The following GTF3C2 variants were observed in gnomAD, a reference collection of about 807,000 sequenced individuals.
GTF3C2 encodes the protein general transcription factor 3C polypeptide 2.
In GTF3C2, 17 loss-of-function variants were observed where a neutral mutation model predicts 117.4. That is an observed-to-expected ratio of 0.14 (90% CI 0.10 to 0.22). The LOEUF is 0.22. Ranked by LOEUF, GTF3C2 falls within the 10% of genes least tolerant of loss-of-function variation. GTF3C2 has a pLI of 1.00. For missense variants in GTF3C2, 888 were observed against 1,143.6 expected (o/e 0.78, Z 3.22); for synonymous variants, 437 against 427.0 (o/e 1.02, Z -0.29).
At chr2:27,351,404 A>G (rs757650725) in intron 1 of GTF3C2, among the ~76,000 whole-genome samples, 1 of 152,072 alleles carries the variant, frequency 6.6e-6, no homozygotes, top group African/African-American at 2.4e-5. Context: ...ACAGAGTGAG[A>G]CTCCATCTCA....
At chr2:27,344,589 A>C (rs1011172044) in intron 1 of GTF3C2, among the ~76,000 whole-genome samples, 4 of 152,200 alleles carry the variant, frequency 2.6e-5, no homozygotes, top group Non-Finnish European at 5.9e-5. Context: ...TACTACAAAA[A>C]AGAGCTGCCA....
intron 1 of GTF3C2, among the ~76,000 whole-genome samples, chr2:27,344,024 CA>C (rs1231464488): frequency 3.6e-5 from 5 of 137,580 alleles, no homozygotes; most frequent in African/African-American, 1.4e-4. Context: ...ATAAAGCTTC[CA>C]TTTTTTTTTT....
At chr2:27,330,619 C>G (rs1200766450) in intron 12 of GTF3C2, among the ~76,000 whole-genome samples, 1 of 151,986 alleles carries the variant, frequency 6.6e-6, no homozygotes, top group Non-Finnish European at 1.5e-5. Flanking sequence ...CACTTGCACC[C>G]AAGAGTTTGA....
At chr2:27,348,008 C>T (rs1284083010) in intron 1 of GTF3C2, among the ~76,000 whole-genome samples, 1 of 152,066 alleles carries the variant, frequency 6.6e-6, no homozygotes, top group African/African-American at 2.4e-5. Context: ...CAGTGGCTCA[C>T]GCCTGTAATC....
rs758003564 is a variant in GTF3C2 at position 27,342,212 on chromosome 2, T to G, written c.591A>C (p.Glu197Asp). Residue 197 changes from glutamate (E) to aspartate (D), a missense_variant, in exon 4 of 19, where the codon GAA (glutamate) becomes GAC (aspartate). This residue lies in a region of GTF3C2 where 393 missense variants were observed against 401.5 expected (regional missense o/e 0.98). Transcript: ENST00000264720. ...GGGCTGTTGAGAGCTCTTCAGCCAG[T>G]TCCTGAAGATACAGAAGTGCCCTGT... 9 of 1,612,026 alleles carry G rather than the reference T, an allele frequency of 5.6e-6. No individual in the cohort carries two copies. The Admixed American group carries it at 1.3e-4, about 24-fold the overall frequency.
intron 10 of GTF3C2, among the ~76,000 whole-genome samples, chr2:27,334,932 C>T (rs1261365655): frequency 6.6e-6 from 1 of 152,164 alleles, no homozygotes; most frequent in Non-Finnish European, 1.5e-5. Flanking sequence ...GCATGGACCA[C>T]CATGCCCAGC....
chr2:27,346,178 C>A (rs1273995837), intron 1 of GTF3C2, among the ~76,000 whole-genome samples: 1 of 151,442 alleles, frequency 6.6e-6, no homozygotes, highest in African/African-American at 2.4e-5. Context: ...CATGTATCAC[C>A]ATGCCTGGCT....
intron 4 of GTF3C2, 159 bp downstream of exon 4, chr2:27,341,788 TC>T (rs1351908545): frequency 6.5e-6 from 4 of 612,984 alleles, no homozygotes; most frequent in Non-Finnish European, 1.2e-5. Flanking sequence ...TTCTGCGCTC[TC>T]CCTAATATGC....
In GTF3C2 at chr2:27,328,207, A is replaced by G; in HGVS notation, c.2257-18T>C. On this transcript the variant is annotated intron_variant, in intron 16 of 18. Coordinates refer to ENST00000264720, the Ensembl canonical transcript of GTF3C2. Reference sequence around the variant, plus strand: ...TATATAGGCTGGAAAGGAGACCATGAAATTAGGTTCTATAATACTCAAGAC... The same window carrying G: ...TATATAGGCTGGAAAGGAGACCATGGAATTAGGTTCTATAATACTCAAGAC... The G allele has an allele frequency of 6.4e-7, 1 of 1,551,478 alleles. No individual in the cohort carries two copies. The highest frequency in any genetic ancestry group is 1.2e-5 in the South Asian group (1 of 83,734).
At chr2:27,343,517 TCCC>T (rs935404650) in exon 2 of GTF3C2, 2 of 1,613,008 alleles carry the variant, frequency 1.2e-6, no homozygotes, top group African/African-American at 2.7e-5. Context: ...GGGGCCGGCC[TCCC>T]CCAGGGCAAC....
intron 1 of GTF3C2, chr2:27,356,159 G>A (rs962134889): frequency 1.5e-5 from 18 of 1,207,234 alleles, no homozygotes; most frequent in Non-Finnish European, 2.0e-5. Context: ...TCCCCAACAG[G>A]CAGCCAACTT....
Position 27,327,150 on chromosome 2 carries a change from TGGAGGGTGG to T in GTF3C2, c.2517+18_2517+26del. On this transcript the variant is annotated intron_variant, in intron 18 of 18. Transcript: ENST00000264720. ...GCCCAGAACTGGGGGGAAATGAGAG[TGGAGGGTGG>T]AGAGGATGAGAGACTACCTTATGAA... The T allele has an allele frequency of 8.3e-7, 1 of 1,202,414 alleles. No individual in the cohort carries two copies. 74.5% of individuals were successfully genotyped at this position (1,202,414 alleles called of 1,614,324 possible). A position where few individuals can be genotyped will look rare whatever the true frequency, so the allele number is the denominator to read the frequency against.
At chr2:27,327,134 T>G (rs751605227) in intron 18 of GTF3C2, 43 bp downstream of exon 18, 2 of 1,083,082 alleles carry the variant, frequency 1.8e-6, no homozygotes, top group Middle Eastern at 2.0e-4. Context: ...GGCCCAGAAC[T>G]GGGGGGAAAT....
chr2:27,353,494 A>T (rs1047183064), intron 1 of GTF3C2, among the ~76,000 whole-genome samples: 1 of 151,818 alleles, frequency 6.6e-6, no homozygotes, highest in African/African-American at 2.4e-5. Context: ...GCTGGAGCGC[A>T]GGGGCATGCT....
intron 1 of GTF3C2, 150 bp from the exon 2 acceptor site, chr2:27,343,728 C>A: frequency 1.5e-6 from 1 of 648,162 alleles, no homozygotes; most frequent in Non-Finnish European, 2.6e-6. Context: ...TAAGCACCTT[C>A]TATATGTCAG....
At chr2:27,333,657 T>C (rs1434975697) in exon 12 of GTF3C2, 2 of 1,603,630 alleles carry the variant, frequency 1.2e-6, no homozygotes, top group Non-Finnish European at 1.7e-6. Flanking sequence ...TTTTTTACCA[T>C]TATAATATCC....
At position 27,335,902 on chromosome 2, in the gene GTF3C2, T is replaced by TG; in HGVS notation, c.1467+14_1467+15insC. ...TTTGAGTCCTAGGGCCATCCCACAG[T>TG]TGACTGGGAAGTACCTTCCGAGGGG... On this transcript the variant is annotated intron_variant, in intron 9 of 18. Coordinates refer to ENST00000264720, the Ensembl canonical transcript of GTF3C2. 2 of 1,527,784 alleles carry TG rather than the reference T, an allele frequency of 1.3e-6. No homozygotes were observed. 94.6% of individuals were successfully genotyped at this position (1,527,784 alleles called of 1,614,324 possible).
intron 14 of GTF3C2, 54 bp from the exon 15 acceptor site, chr2:27,328,985 T>C (rs1190419408): frequency 1.4e-6 from 2 of 1,472,590 alleles, no homozygotes; most frequent in Admixed American, 1.7e-5. Context: ...TCATTTCTTC[T>C]TCTTAACCTC....
In GTF3C2 at chr2:27,337,556, C is replaced by T; in HGVS notation, c.953G>A (p.Arg318Gln). ...CTCCCAGTATGAATGTTTCTGCTCT[C>T]GGCTGGAGAAACAGAAGAAGCATTA... Residue 318 changes from arginine (R) to glutamine (Q), a missense_variant and splice_region_variant, in exon 6 of 19, where the codon CGA becomes CAA. Physicochemically the swap from Arg to Gln is conservative, Grantham distance 43 (BLOSUM62 1). Around this residue, in one of 7 missense-constraint regions of GTF3C2, gnomAD observed 393 missense variants for 401.5 expected, o/e 0.98. Coordinates refer to ENST00000264720, the Ensembl canonical transcript of GTF3C2. 6.2e-7 allele frequency: 1 copy of T among 1,604,018 alleles called. No individual in the cohort carries two copies. The highest frequency in any genetic ancestry group is 8.5e-7 in the Non-Finnish European group (1 of 1,170,858).
Sources: gnomAD v4.1 joint callset for allele counts (sites outside exome capture counted in the v4.1 genomes callset) on GRCh38, gnomAD v4.1.1 for gene constraint, gnomAD v4.1.1 regional missense constraint, MANE v1.5 for transcripts, NCBI Gene and HGNC (gene_info 2026-07-23, HGNC 2026-07-21) for gene names.